The following SAFB variants were observed in gnomAD, a reference collection of about 807,000 sequenced individuals.
The protein encoded by SAFB is scaffold attachment factor B.
Under a neutral mutation model 101.6 loss-of-function variants are expected in SAFB, and 15 were observed. That is an observed-to-expected ratio of 0.15 (90% CI 0.10 to 0.23). The LOEUF (loss-of-function observed/expected upper bound fraction) is 0.23, where lower values mean the gene tolerates loss of function less well. Ranked by LOEUF, SAFB falls within the 10% of genes least tolerant of loss-of-function variation. The pLI is 1.00. For missense variants in SAFB, 930 were observed against 1,104.1 expected (o/e 0.84, Z 2.23); for synonymous variants, 449 against 407.5 (o/e 1.10, Z -1.23).
At chr19:5,638,586 G>A (rs539064619) in intron 2 of SAFB, among the ~76,000 whole-genome samples, 1 of 151,826 alleles carries the variant, frequency 6.6e-6, no homozygotes, top group African/African-American at 2.4e-5. Context: ...ACCTCCCAAA[G>A]TGCTGAGATT....
chr19:5,646,472 C>T (rs1326070762), intron 5 of SAFB, among the ~76,000 whole-genome samples: 1 of 152,126 alleles, frequency 6.6e-6, no homozygotes, highest in African/African-American at 2.4e-5. Flanking sequence ...TCACAGTCTC[C>T]CATGTTAAAA....
intron 2 of SAFB, among the ~76,000 whole-genome samples, chr19:5,638,890 T>C (rs2053647619): frequency 6.6e-6 from 1 of 151,982 alleles, no homozygotes; most frequent in African/African-American, 2.4e-5. Flanking sequence ...TGGCTAATTT[T>C]TTTGTATTTT....
chr19:5,659,347 G>A (rs915917042), intron 14 of SAFB, among the ~76,000 whole-genome samples: 6 of 151,960 alleles, frequency 3.9e-5, no homozygotes, highest in Non-Finnish European at 7.4e-5. Flanking sequence ...GAGGGGGAGA[G>A]GGCACTGCTC....
At chr19:5,632,746 G>C (rs1487903690) in intron 2 of SAFB, among the ~76,000 whole-genome samples, 1 of 152,012 alleles carries the variant, frequency 6.6e-6, no homozygotes, top group East Asian at 1.9e-4. Flanking sequence ...TTTTTGTTTT[G>C]TTTTGGTTTG....
chr19:5,664,579 G>A (rs1301882241), intron 17 of SAFB, 140 bp downstream of exon 17: 3 of 686,016 alleles, frequency 4.4e-6, no homozygotes, highest in Admixed American at 2.5e-5. Context: ...GAAAAGTCTA[G>A]GTTTGTGGAA....
At chr19:5,658,799 C>T (rs547031171) in intron 14 of SAFB, among the ~76,000 whole-genome samples, 18 of 148,122 alleles carry the variant, frequency 1.2e-4, no homozygotes, top group African/African-American at 3.2e-4. Flanking sequence ...GCCAAGATCG[C>T]GCCACTGCAC....
intron 2 of SAFB, among the ~76,000 whole-genome samples, chr19:5,629,810 C>T (rs1006959144): frequency 1.3e-5 from 2 of 152,190 alleles, no homozygotes; most frequent in Non-Finnish European, 2.9e-5. Context: ...GTAATCCTAG[C>T]ACTTTGGGAG....
At chr19:5,624,356 C>T (rs930177934) in intron 1 of SAFB, among the ~76,000 whole-genome samples, 1 of 152,076 alleles carries the variant, frequency 6.6e-6, no homozygotes, top group African/African-American at 2.4e-5. Flanking sequence ...GTTGCCATCA[C>T]GATTCGCTTT....
chr19:5,665,332 A>G (rs2054304298), intron 17 of SAFB: 2 of 152,260 alleles, frequency 1.3e-5, no homozygotes, highest in Non-Finnish European at 2.9e-5. Context: ...GGTTCCATGT[A>G]AAGGCTCCAG....
chr19:5,625,308 A>G (rs1404011599), intron 1 of SAFB, among the ~76,000 whole-genome samples: 5 of 152,342 alleles, frequency 3.3e-5, no homozygotes, highest in Middle Eastern at 3.4e-3. Context: ...GTGGTGTTTC[A>G]GAATTGCCTG....
intron 4 of SAFB, among the ~76,000 whole-genome samples, chr19:5,642,409 G>T (rs1166665637): frequency 6.6e-6 from 1 of 151,996 alleles, no homozygotes; most frequent in African/African-American, 2.4e-5. Context: ...TTGTGCAATT[G>T]AAGTCCAGCC....
chr19:5,639,094 G>T (rs2053652283), intron 2 of SAFB, among the ~76,000 whole-genome samples: 1 of 152,184 alleles, frequency 6.6e-6, no homozygotes, highest in Non-Finnish European at 1.5e-5. Context: ...TAACAGATCA[G>T]TGGAAGAGAA....
chr19:5,634,075 C>A (rs2053546228), intron 2 of SAFB, among the ~76,000 whole-genome samples: 1 of 151,922 alleles, frequency 6.6e-6, no homozygotes, highest in Non-Finnish European at 1.5e-5. Context: ...AAGCATGTTG[C>A]CAGATTGACA....
At chr19:5,668,129 TTCGCAG>T in intron 20 of SAFB, 27 bp from the exon 21 acceptor site, 1 of 1,599,776 alleles carries the variant, frequency 6.3e-7, no homozygotes, top group African/African-American at 1.3e-5. Context: ...GCAGGAGGAC[TTCGCAG>T]TCAAACCAAT....
At position 5,668,320 on chromosome 19, in the gene SAFB, G is replaced by T. The variant is rs749046443; in HGVS notation, c.*29G>T. Reference sequence around the variant, plus strand: ...CTTGGAATCCTGTGTCCTGTCTCGTGGCAACAAGGCTATGTTCTGTTAGGA... The same window carrying T: ...CTTGGAATCCTGTGTCCTGTCTCGTTGCAACAAGGCTATGTTCTGTTAGGA... On this transcript the variant is annotated 3_prime_UTR_variant, in exon 21 of 21. Transcript: ENST00000588852. The T allele has an allele frequency of 1.4e-5, 22 of 1,602,012 alleles. No individual in the cohort carries two copies. Among genetic ancestry groups the T allele is most frequent in the Non-Finnish European group, 1.2e-5 (14 of 1,177,284 alleles).
chr19:5,637,095 A>G (rs2053610007), intron 2 of SAFB, among the ~76,000 whole-genome samples: 1 of 149,632 alleles, frequency 6.7e-6, no homozygotes, highest in East Asian at 2.1e-4. Flanking sequence ...CTGTAATCCT[A>G]GCACTTCGGG....
At chr19:5,658,845 A>G (rs1190667891) in intron 14 of SAFB, among the ~76,000 whole-genome samples, 3 of 138,332 alleles carry the variant, frequency 2.2e-5, no homozygotes. Context: ...TCCATCTCAA[A>G]AAAAAAGGGG....
chr19:5,667,005 C>A lies in SAFB; in HGVS notation c.2335-41C>A. 1.6e-6 allele frequency: 2 copies of A among 1,282,724 alleles called. No individual in the cohort carries two copies. The highest frequency in any genetic ancestry group is 2.3e-6 in the Non-Finnish European group (2 of 877,760). The allele number at this position is 1,282,724 out of a possible 1,614,324, so 79.5% of individuals were successfully genotyped here. ...AAAAGCCTTGGGGTCTGGGCGCTGA[C>A]ACTGAAGCTTTTTTTTCCCTTCTGG... On this transcript the variant is annotated intron_variant, in intron 17 of 20. Coordinates refer to ENST00000588852, the MANE Select transcript of SAFB (RefSeq NM_001201338.2). This position sits in a 1 kb window ranked among gnomAD's most constrained non-coding sequence, Gnocchi z 4.0.
At chr19:5,649,730 GC>G in intron 7 of SAFB, 195 bp from the exon 8 acceptor site, 3 of 821,256 alleles carry the variant, frequency 3.7e-6, no homozygotes, top group Non-Finnish European at 5.7e-6. Context: ...ATTACCTTTA[GC>G]CCAGCAGAAT....
Sources: gnomAD v4.1 joint callset for allele counts (sites outside exome capture counted in the v4.1 genomes callset) on GRCh38, gnomAD v4.1.1 for gene constraint, Gnocchi (gnomAD v3.1) non-coding constraint, MANE v1.5 for transcripts, NCBI Gene and HGNC (gene_info 2026-07-23, HGNC 2026-07-21) for gene names.